Variants in SLC25A21 observed in about 807,000 individuals in gnomAD.
SLC25A21 encodes the protein solute carrier family 25 member 21.
A neutral mutation model predicts 43.8 loss-of-function variants in SLC25A21; 47 were observed. The observed-to-expected ratio is 1.07, with a 90% CI of 0.85 to 1.37. The LOEUF is 1.37. SLC25A21 is among the 40% of genes most tolerant of loss of function. The pLI, the probability that SLC25A21 is intolerant of heterozygous loss-of-function variation, is 0.00. For missense variants in SLC25A21, 352 were observed against 350.2 expected, an observed-to-expected ratio of 1.00 and a Z score of -0.04; for synonymous variants, 131 against 121.3, an observed-to-expected ratio of 1.08 and a Z score of -0.52.
rs190920953 is a variant in SLC25A21 at position 37,039,788 on chromosome 14, G to A, written c.70+132493C>T. 9.9e-5 allele frequency among the ~76,000 whole-genome samples: 15 copies of A among 152,278 alleles called. No homozygotes were observed. The East Asian group carries it at 2.9e-3, about 30-fold the overall frequency. Reference sequence around the variant, plus strand: ...TAAGTAACTTGACAATTACTGTAGAGCTTAATCTATGCCATGAGGGAGATA... The same window carrying A: ...TAAGTAACTTGACAATTACTGTAGAACTTAATCTATGCCATGAGGGAGATA... On this transcript the variant is annotated intron_variant, in intron 1 of 9. Transcript: ENST00000331299.
At chr14:36,812,089 T>C (rs1261090722) in intron 3 of SLC25A21, among the ~76,000 whole-genome samples, 2 of 152,042 alleles carry the variant, frequency 1.3e-5, no homozygotes, top group African/African-American at 4.8e-5. Context: ...AAATCTAATC[T>C]AAGAGAAATG....
intron 4 of SLC25A21, among the ~76,000 whole-genome samples, chr14:36,731,034 G>T (rs1265547329): frequency 6.6e-6 from 1 of 150,502 alleles, no homozygotes; most frequent in Non-Finnish European, 1.5e-5. Flanking sequence ...GTGCAGTGGC[G>T]CGATCTCGGC....
At chr14:36,771,628 T>C (rs1886623845) in intron 3 of SLC25A21, among the ~76,000 whole-genome samples, 1 of 152,160 alleles carries the variant, frequency 6.6e-6, no homozygotes, top group Non-Finnish European at 1.5e-5. Context: ...AGTTTCTCTC[T>C]TGCTAAACCA....
intron 7 of SLC25A21, among the ~76,000 whole-genome samples, chr14:36,692,073 T>G (rs1177891684): frequency 6.6e-6 from 1 of 152,202 alleles, no homozygotes; most frequent in African/African-American, 2.4e-5. Context: ...GACACATGGC[T>G]AACTAGTAAA....
intron 1 of SLC25A21, among the ~76,000 whole-genome samples, chr14:36,987,075 A>T (rs1176390619): frequency 6.6e-6 from 1 of 152,164 alleles, no homozygotes; most frequent in Admixed American, 6.6e-5. Context: ...CAGCACTCTG[A>T]CTTTGTTCCT....
intron 8 of SLC25A21, among the ~76,000 whole-genome samples, 183 bp downstream of exon 8, chr14:36,684,561 G>A (rs1413461585): frequency 6.6e-6 from 1 of 152,156 alleles, no homozygotes; most frequent in African/African-American, 2.4e-5. Flanking sequence ...GATGGTGTAA[G>A]CACATGTTTA....
At chr14:36,966,135 T>C (rs907223271) in intron 1 of SLC25A21, among the ~76,000 whole-genome samples, 3 of 152,090 alleles carry the variant, frequency 2.0e-5, no homozygotes, top group Non-Finnish European at 4.4e-5. Context: ...CCACCTGAGG[T>C]ATCCCAGTCA....
rs1555332561 is a variant in SLC25A21 at position 36,854,933 on chromosome 14, T to TTGG, written c.119+20022_119+20023insCCA. 1.2e-3 allele frequency among the ~76,000 whole-genome samples: 156 copies of TTGG among 134,536 alleles called. 1 individual carries two copies. Among genetic ancestry groups the TTGG allele is most frequent in the Non-Finnish European group, 5.9e-4 (37 of 62,736 alleles). The allele number at this position is 134,536 out of a possible 152,430, so 88.3% of individuals were successfully genotyped here. On this transcript the variant is annotated intron_variant, in intron 2 of 9. Transcript: ENST00000331299. The stretch of plus-strand genomic sequence containing the variant: ...TTTTGTTCTTTTCTGGGGCATGAGG[T>TTGG]GGGGGGGGGTATTCTGCCATCCTTG...
intron 3 of SLC25A21, among the ~76,000 whole-genome samples, chr14:36,798,630 T>C (rs943657093): frequency 1.3e-5 from 2 of 152,088 alleles, no homozygotes; most frequent in Non-Finnish European, 2.9e-5. Flanking sequence ...AAATACCGTT[T>C]GCTTGCTGGG....
intron 3 of SLC25A21, among the ~76,000 whole-genome samples, chr14:36,744,624 G>A (rs1885416504): frequency 3.0e-5 from 1 of 33,430 alleles, no homozygotes; most frequent in Non-Finnish European, 5.5e-5. Context: ...CTGAACATTG[G>A]CAGAAATGCA....
At chr14:36,998,280 T>C (rs2138721407) in intron 1 of SLC25A21, among the ~76,000 whole-genome samples, 1 of 152,306 alleles carries the variant, frequency 6.6e-6, no homozygotes, top group Non-Finnish European at 1.5e-5. Flanking sequence ...CAGAGAACAC[T>C]TATTTCATGG....
intron 1 of SLC25A21, among the ~76,000 whole-genome samples, chr14:37,167,721 G>A (rs1038452120): frequency 6.6e-6 from 1 of 152,058 alleles, no homozygotes; most frequent in African/African-American, 2.4e-5. Context: ...ATCAGGGCTT[G>A]AGATATTTTG....
chr14:36,718,500 T>C (rs1594519707), intron 6 of SLC25A21, among the ~76,000 whole-genome samples: 1 of 145,440 alleles, frequency 6.9e-6, no homozygotes, highest in Admixed American at 6.8e-5. Flanking sequence ...ACTCTCTGTA[T>C]AACTCAACTT....
Position 36,982,495 on chromosome 14 carries a change from A to T in SLC25A21, c.71-107491T>A, listed in dbSNP as rs942282169. On this transcript the variant is annotated intron_variant, in intron 1 of 9. Transcript: ENST00000331299. Reference sequence around the variant, plus strand: ...CATCTAAGCAGTAGAATTTTTAACCATGAAAGGTTTTAGTATTTATTAGGT... The same window carrying T: ...CATCTAAGCAGTAGAATTTTTAACCTTGAAAGGTTTTAGTATTTATTAGGT... 2.6e-5 allele frequency among the ~76,000 whole-genome samples: 4 copies of T among 152,182 alleles called. No homozygotes were observed. In the South Asian group the frequency reaches 6.2e-4, roughly 24 times the overall value.
chr14:37,103,501 T>A (rs1295256860), intron 1 of SLC25A21, among the ~76,000 whole-genome samples: 1 of 152,202 alleles, frequency 6.6e-6, no homozygotes, highest in African/African-American at 2.4e-5. Context: ...ACTCTTTCAA[T>A]AAGCAAGTAT....
At chr14:37,164,702 G>C (rs1246773993) in intron 1 of SLC25A21, among the ~76,000 whole-genome samples, 8 of 152,110 alleles carry the variant, frequency 5.3e-5, no homozygotes, top group Non-Finnish European at 7.4e-5. Context: ...GAGTAATCTT[G>C]TGAAAATGAA....
chr14:36,726,706 G>C (rs532378959), intron 5 of SLC25A21, among the ~76,000 whole-genome samples: 1 of 152,214 alleles, frequency 6.6e-6, no homozygotes, highest in East Asian at 1.9e-4. Flanking sequence ...GCACACACAA[G>C]ACAGAAGAAC....
At chr14:36,682,173 T>C (rs1321847523) in intron 9 of SLC25A21, among the ~76,000 whole-genome samples, 1 of 150,398 alleles carries the variant, frequency 6.6e-6, no homozygotes, top group Non-Finnish European at 1.5e-5. Context: ...TCTCATTCTT[T>C]TTTTTTTTCT....
chr14:37,115,654 A>T (rs1353743329), intron 1 of SLC25A21, among the ~76,000 whole-genome samples: 1 of 152,160 alleles, frequency 6.6e-6, no homozygotes, highest in African/African-American at 2.4e-5. Flanking sequence ...ATATGTGCCT[A>T]TTCAAGCTGC....
Sources: gnomAD v4.1 joint callset for allele counts (sites outside exome capture counted in the v4.1 genomes callset) on GRCh38, gnomAD v4.1.1 for gene constraint, MANE v1.5 for transcripts, NCBI Gene and HGNC (gene_info 2026-07-23, HGNC 2026-07-21) for gene names.